HMCN1: variants seen among roughly 807,000 people sequenced by gnomAD.
HMCN1 encodes the protein hemicentin-1.
A neutral mutation model predicts 625.9 loss-of-function variants in HMCN1; 321 were observed. That is an observed-to-expected ratio of 0.51 (90% CI 0.47 to 0.56). HMCN1 has a LOEUF of 0.56. HMCN1 is among the 20% of genes least tolerant of loss of function. The pLI is 0.00. For missense variants in HMCN1, 6,588 were observed against 6,887.3 expected (o/e 0.96, Z 1.54); for synonymous variants, 2,425 against 2,417.6 (o/e 1.00, Z -0.09).
At chr1:185,933,202 A>G (rs941255831) in intron 10 of HMCN1, among the ~76,000 whole-genome samples, 1 of 152,126 alleles carries the variant, frequency 6.6e-6, no homozygotes, top group Non-Finnish European at 1.5e-5. Flanking sequence ...TTTAAAATCT[A>G]AAAGTTTGCA....
intron 23 of HMCN1, among the ~76,000 whole-genome samples, chr1:185,993,949 G>A (rs1652612234): frequency 6.6e-6 from 1 of 152,148 alleles, no homozygotes; most frequent in South Asian, 2.1e-4. Context: ...ATTATGTGGT[G>A]TGAAGTCACA....
intron 105 of HMCN1, among the ~76,000 whole-genome samples, chr1:186,184,201 T>C (rs1653131664): frequency 1.3e-5 from 2 of 152,228 alleles, no homozygotes; most frequent in Admixed American, 6.5e-5. Context: ...ATGGGTTACA[T>C]ATTTTTGTGG....
At chr1:185,957,658 TGCCAGACAAA>T (rs1649720585) in intron 11 of HMCN1, among the ~76,000 whole-genome samples, 1 of 152,188 alleles carries the variant, frequency 6.6e-6, no homozygotes, top group African/African-American at 2.4e-5. Flanking sequence ...GAAATCAAAG[TGCCAGACAAA>T]GCCTCCTTTT....
chr1:185,923,402 A>G lies in HMCN1; in HGVS notation c.1034A>G (p.Tyr345Cys), dbSNP rs780510051. ...CTTTCTCTTGTAGGAATACCTACCT[A>G]TGTACTGCTCAATACTTCTGGAATT... ...VSRPVQGIPT[Y>C]VLLNTSGIST... is the part of the protein sequence containing the mutation. Residue 345 changes from tyrosine to cysteine, a missense_variant, in exon 8 of 107, where the codon TAT becomes TGT. Coordinates refer to ENST00000271588, the MANE Select transcript of HMCN1 (RefSeq NM_031935.3). 2 of 1,609,692 alleles carry G rather than the reference A, an allele frequency of 1.2e-6. No individual in the cohort carries two copies. Among genetic ancestry groups the G allele is most frequent in the South Asian group, 2.2e-5 (2 of 91,002 alleles).
intron 102 of HMCN1, among the ~76,000 whole-genome samples, chr1:186,173,933 G>T (rs968442874): frequency 6.6e-6 from 1 of 152,188 alleles, no homozygotes; most frequent in Non-Finnish European, 1.5e-5. Flanking sequence ...TTTGTATATA[G>T]CAAATGTTCA....
intron 1 of HMCN1, among the ~76,000 whole-genome samples, chr1:185,783,715 C>G (rs1474483097): frequency 1.3e-5 from 2 of 152,216 alleles, no homozygotes; most frequent in Admixed American, 1.3e-4. Flanking sequence ...AGCTTCGTCT[C>G]AGAGGGGTAC....
chr1:186,158,900 G>A (rs1358903388), intron 97 of HMCN1, among the ~76,000 whole-genome samples: 3 of 152,144 alleles, frequency 2.0e-5, no homozygotes, highest in Non-Finnish European at 4.4e-5. Context: ...TTTGGCTTAG[G>A]ATTGACTTGG....
At chr1:185,740,202 G>A (rs1011742562) in intron 1 of HMCN1, among the ~76,000 whole-genome samples, 2 of 152,164 alleles carry the variant, frequency 1.3e-5, no homozygotes, top group African/African-American at 4.8e-5. Flanking sequence ...ACATAGAAGT[G>A]ACGTGATCTG....
intron 22 of HMCN1, among the ~76,000 whole-genome samples, chr1:185,992,009 T>A (rs1237441515): frequency 6.6e-6 from 1 of 152,222 alleles, no homozygotes; most frequent in Admixed American, 6.5e-5. Flanking sequence ...TGTTTTAATT[T>A]TCATGTGATT....
intron 52 of HMCN1, among the ~76,000 whole-genome samples, chr1:186,071,173 T>C (rs1026430460): frequency 6.6e-6 from 1 of 152,168 alleles, no homozygotes; most frequent in African/African-American, 2.4e-5. Context: ...CACATAAATG[T>C]TGCTATCCCG....
At chr1:186,004,652 A>G (rs1357476440) in intron 29 of HMCN1, among the ~76,000 whole-genome samples, 2 of 152,144 alleles carry the variant, frequency 1.3e-5, no homozygotes, top group African/African-American at 2.4e-5. Flanking sequence ...TGACTAGAGT[A>G]TGGGAAAGCA....
intron 1 of HMCN1, among the ~76,000 whole-genome samples, chr1:185,843,313 G>T (rs1661602709): frequency 6.6e-6 from 1 of 152,182 alleles, no homozygotes; most frequent in Non-Finnish European, 1.5e-5. Context: ...AGACTGACAG[G>T]TACGTCGGCA....
intron 63 of HMCN1, among the ~76,000 whole-genome samples, chr1:186,089,486 A>G (rs186855398): frequency 3.9e-5 from 6 of 152,154 alleles, no homozygotes; most frequent in African/African-American, 1.4e-4. Flanking sequence ...AAATACAATT[A>G]GAAGAATTAA....
chr1:186,011,356 T>C (rs1653990147), intron 30 of HMCN1, among the ~76,000 whole-genome samples: 1 of 152,236 alleles, frequency 6.6e-6, no homozygotes, highest in Non-Finnish European at 1.5e-5. Flanking sequence ...CTGCTGATTT[T>C]TAATGCGATT....
At position 186,120,012 on chromosome 1, in the gene HMCN1, C is replaced by T. The variant is rs771165325; in HGVS notation, c.12096C>T (p.Gly4032=). Residue 4032 remains glycine (G), a splice_region_variant and synonymous_variant, in exon 80 of 107, where the codon GGC becomes GGT. Coordinates refer to ENST00000271588, the MANE Select transcript of HMCN1 (RefSeq NM_031935.3). ...TCTGCTTTTGTAACTATGTTGTAGG[C>T]AGAAACCATGCAGTTCTTCCTAGTG... ...QKEGINVNTS[G]RNHAVLPSGG... The T allele has an allele frequency of 9.3e-6, 15 of 1,613,916 alleles. No individual in the cohort carries two copies. Among genetic ancestry groups the T allele is most frequent in the Non-Finnish European group, 1.0e-5 (12 of 1,179,920 alleles).
chr1:185,855,394 C>T (rs1000377744), intron 2 of HMCN1, among the ~76,000 whole-genome samples: 1 of 152,150 alleles, frequency 6.6e-6, no homozygotes, highest in Non-Finnish European at 1.5e-5. Flanking sequence ...GTTAGTTTCC[C>T]ATTTTTGCCT....
chr1:185,889,342 C>G (rs1360005968), intron 4 of HMCN1, among the ~76,000 whole-genome samples: 2 of 145,656 alleles, frequency 1.4e-5, no homozygotes, highest in Admixed American at 6.7e-5. Flanking sequence ...ACTTCCAACA[C>G]TATGTTGAAT....
chr1:186,043,832 G>T (rs1351409369), intron 40 of HMCN1, among the ~76,000 whole-genome samples: 4 of 152,108 alleles, frequency 2.6e-5, no homozygotes, highest in African/African-American at 9.7e-5. Context: ...CACTTTGGGA[G>T]GCCGAGGTGG....
chr1:185,981,045 A>G lies in HMCN1; in HGVS notation c.2634A>G (p.Ser878=), dbSNP rs1460730050. The change falls in exon 17 of 107, where the codon TCA becomes TCG. Residue 878 remains serine, a synonymous_variant. Transcript: ENST00000271588. ...EAENQFGKIQ[S]ETTVTVTGLV... Reference sequence around the variant, plus strand: ...AAAACCAGTTTGGAAAGATCCAGTCAGAGACAACAGTAACAGTGACCGGAC... The same window carrying G: ...AAAACCAGTTTGGAAAGATCCAGTCGGAGACAACAGTAACAGTGACCGGAC... The G allele has an allele frequency of 1.2e-6, 2 of 1,610,236 alleles. No individual in the cohort carries two copies. The highest frequency in any genetic ancestry group is 1.3e-5 in the African/African-American group (1 of 74,854).
Sources: gnomAD v4.1 joint callset for allele counts (sites outside exome capture counted in the v4.1 genomes callset) on GRCh38, gnomAD v4.1.1 for gene constraint, MANE v1.5 for transcripts, NCBI Gene and HGNC (gene_info 2026-07-23, HGNC 2026-07-21) for gene names.